CALN1: variants seen among roughly 807,000 people sequenced by gnomAD.
The protein encoded by CALN1 is calcium-binding protein 8.
CALN1 carries 17 observed loss-of-function variants against 30.6 expected under a neutral mutation model. That is an observed-to-expected ratio of 0.56 (90% CI 0.38 to 0.83). The LOEUF is 0.83. Among genes scored for constraint, CALN1 ranks in the 40% least tolerant of loss-of-function variants. CALN1 has a pLI of 0.00. For synonymous variants in CALN1, 156 were observed against 131.4 expected (o/e 1.19, Z -1.28); for missense variants, 291 against 354.9 (o/e 0.82, Z 1.45).
chr7:72,161,987 T>G, intron 3 of CALN1, among the ~76,000 whole-genome samples: 1 of 147,528 alleles, frequency 6.8e-6, no homozygotes, highest in South Asian at 2.1e-4. Context: ...AGGAACTGAA[T>G]GATATAATAC....
chr7:72,397,008 T>C lies in CALN1; in HGVS notation c.119+6243A>G, dbSNP rs114028639. ...TCACTGCAGCCTCCAAATCCTGGGC[T>C]CAAGCAATCCTCCCCCCTCAGCCTC... is the stretch of plus-strand genomic sequence containing the variant. On this transcript the variant is annotated intron_variant, in intron 2 of 6. Transcript: ENST00000395275. Among the ~76,000 whole-genome samples, 1,111 of 152,102 alleles carry C rather than the reference T, an allele frequency of 7.3e-3. 14 individuals carry two copies. The highest frequency in any genetic ancestry group is 0.026 in the African/African-American group (1,086 of 41,488).
chr7:71,962,929 C>A (rs1053069609), intron 5 of CALN1, among the ~76,000 whole-genome samples: 2 of 152,152 alleles, frequency 1.3e-5, no homozygotes, highest in African/African-American at 4.8e-5. Flanking sequence ...TACTCAAATT[C>A]TAGTAACCTT....
At chr7:72,149,917 C>G (rs1359390086) in intron 3 of CALN1, among the ~76,000 whole-genome samples, 4 of 151,726 alleles carry the variant, frequency 2.6e-5, no homozygotes, top group Non-Finnish European at 5.9e-5. Flanking sequence ...AATTCGAGAC[C>G]AGCCTGGCCA....
At chr7:72,108,914 A>T (rs1807365867) in intron 3 of CALN1, among the ~76,000 whole-genome samples, 2 of 152,046 alleles carry the variant, frequency 1.3e-5, no homozygotes, top group Admixed American at 1.3e-4. Context: ...ATTCCGCAAA[A>T]CTGTCTTTGC....
At chr7:71,961,081 T>C (rs866047897) in intron 5 of CALN1, among the ~76,000 whole-genome samples, 9 of 152,206 alleles carry the variant, frequency 5.9e-5, no homozygotes, top group Admixed American at 1.3e-4. Flanking sequence ...CCTCCCAAAG[T>C]GCTGGAATTA....
intron 4 of CALN1, among the ~76,000 whole-genome samples, chr7:72,048,501 A>C (rs10234063): frequency 0.23 from 34,888 of 152,116 alleles, 6,466 homozygotes; most frequent in African/African-American, 0.51. Context: ...GCCATTGTGT[A>C]ATGGAAAAGT....
chr7:71,914,029 A>G (rs1794563681), intron 5 of CALN1, among the ~76,000 whole-genome samples: 2 of 152,182 alleles, frequency 1.3e-5, no homozygotes, highest in African/African-American at 4.8e-5. Flanking sequence ...ATTCTTTCAC[A>G]CCATTTCTCC....
intron 5 of CALN1, among the ~76,000 whole-genome samples, chr7:72,005,837 G>T (rs1233529330): frequency 3.9e-5 from 6 of 152,192 alleles, no homozygotes; most frequent in Non-Finnish European, 8.8e-5. Context: ...TCATTAAAGG[G>T]CAACAGGGGT....
At chr7:72,375,414 G>A (rs996095624) in intron 2 of CALN1, among the ~76,000 whole-genome samples, 1 of 151,644 alleles carries the variant, frequency 6.6e-6, no homozygotes, top group African/African-American at 2.4e-5. Context: ...AAATAAAACA[G>A]ATTAGTCAAG....
intron 4 of CALN1, among the ~76,000 whole-genome samples, chr7:72,049,960 C>T: frequency 6.6e-6 from 1 of 151,004 alleles, no homozygotes; most frequent in South Asian, 2.1e-4. Context: ...GGGGCTCACA[C>T]TACCACTCCT....
At chr7:72,250,175 T>C (rs1441054566) in intron 3 of CALN1, among the ~76,000 whole-genome samples, 1 of 152,208 alleles carries the variant, frequency 6.6e-6, no homozygotes, top group East Asian at 1.9e-4. Context: ...TCATCTTTTC[T>C]AGCCACTGGC....
chr7:72,230,005 G>C (rs1012329417), intron 3 of CALN1, among the ~76,000 whole-genome samples: 1 of 151,142 alleles, frequency 6.6e-6, no homozygotes, highest in Non-Finnish European at 1.5e-5. Flanking sequence ...GCTGGGCGTG[G>C]TGGTGGGCGC....
chr7:72,078,274 G>A (rs184334619), intron 4 of CALN1, among the ~76,000 whole-genome samples: 21 of 152,046 alleles, frequency 1.4e-4, no homozygotes, highest in Non-Finnish European at 2.5e-4. Flanking sequence ...ACCCCGAGAA[G>A]GGAATGAGGA....
chr7:72,068,847 A>C (rs1196174113), intron 4 of CALN1, among the ~76,000 whole-genome samples: 1 of 152,188 alleles, frequency 6.6e-6, no homozygotes, highest in Non-Finnish European at 1.5e-5. Flanking sequence ...GCTACCTGAC[A>C]CAAGATGATT....
chr7:72,356,544 A>G (rs1803240856), intron 2 of CALN1, among the ~76,000 whole-genome samples: 2 of 151,960 alleles, frequency 1.3e-5, no homozygotes, highest in Admixed American at 6.5e-5. Context: ...TAATAATAAA[A>G]GAATGTAAAA....
chr7:72,138,424 A>G (rs780678107), intron 3 of CALN1, among the ~76,000 whole-genome samples: 3 of 152,186 alleles, frequency 2.0e-5, no homozygotes, highest in Non-Finnish European at 4.4e-5. Flanking sequence ...CATTTTCCCG[A>G]CGCCATCTGA....
At chr7:72,490,275 A>G in the CALN1 span, among the ~76,000 whole-genome samples, 2 of 152,214 alleles carry the variant, frequency 1.3e-5, no homozygotes, top group Admixed American at 6.5e-5. Context: ...TATGATCTCA[A>G]TTATGCAATT....
At chr7:72,085,582 A>G (rs987472248) in intron 4 of CALN1, among the ~76,000 whole-genome samples, 1 of 152,182 alleles carries the variant, frequency 6.6e-6, no homozygotes, top group Non-Finnish European at 1.5e-5. Flanking sequence ...TGCCCCTTGG[A>G]TAAGGAGGGG....
rs1365505793 is a variant in CALN1, at chr7:72,247,242, T to C, written c.244+31444A>G. Among the ~76,000 whole-genome samples the C allele has an allele frequency of 1.7e-3, 70 of 42,114 alleles. 2 individuals carry two copies. The highest frequency in any genetic ancestry group is 5.1e-3 in the African/African-American group (63 of 12,376). 27.6% of individuals were successfully genotyped at this position (42,114 alleles called of 152,430 possible). On this transcript the variant is annotated intron_variant, in intron 3 of 6. Coordinates refer to ENST00000395275, the MANE Select transcript of CALN1 (RefSeq NM_031468.4). ...CATTTTCTTTCTTTTTTTTTTTTTT[T>C]TTTTTTTTTTTTTTTTTTTTTTTTG...
Sources: allele counts gnomAD v4.1 joint callset (sites outside exome capture counted in the v4.1 genomes callset), GRCh38; gene constraint gnomAD v4.1.1; transcripts MANE v1.5; gene names NCBI Gene and HGNC (gene_info 2026-07-23, HGNC 2026-07-21).